Variants in FHIT observed in about 807,000 individuals in gnomAD.
FHIT encodes bis(5'-adenosyl)-triphosphatase.
A neutral mutation model predicts 17.9 loss-of-function variants in FHIT; 19 were observed. The observed-to-expected ratio is 1.06, with a 90% CI of 0.74 to 1.56. FHIT has a LOEUF of 1.56. Ranked by LOEUF, FHIT falls within the 40% of genes most tolerant of loss-of-function variation. The pLI is 0.00. For missense variants in FHIT, 248 were observed against 189.2 expected, an observed-to-expected ratio of 1.31 and a Z score of -1.82; for synonymous variants, 81 against 69.7, an observed-to-expected ratio of 1.16 and a Z score of -0.81.
chr3:60,229,008 C>G (rs1704355819), intron 5 of FHIT, among the ~76,000 whole-genome samples: 1 of 152,206 alleles, frequency 6.6e-6, no homozygotes, highest in East Asian at 1.9e-4. Context: ...GAACCTCACA[C>G]TCTTGAGTGA....
In FHIT at chr3:60,066,138, T is replaced by C. The variant is rs527451163; in HGVS notation, c.104-51986A>G. Among the ~76,000 whole-genome samples, 5 of 152,234 alleles carry C rather than the reference T, an allele frequency of 3.3e-5. No individual in the cohort carries two copies. The East Asian group carries it at 7.7e-4, about 24-fold the overall frequency. Reference sequence around the variant, plus strand: ...GACATTGACACAGTCTAGGATGGGATGGTGGGGATAGTACAGGGTACTCAC... The same window carrying C: ...GACATTGACACAGTCTAGGATGGGACGGTGGGGATAGTACAGGGTACTCAC... On this transcript the variant is annotated intron_variant, in intron 5 of 9. Transcript: ENST00000492590.
intron 4 of FHIT, among the ~76,000 whole-genome samples, chr3:60,820,451 T>C (rs1701886608): frequency 6.6e-6 from 1 of 152,256 alleles, no homozygotes; most frequent in Non-Finnish European, 1.5e-5. Flanking sequence ...CTTTAAACTT[T>C]GTTTTCCAGG....
At chr3:60,469,853 G>T (rs140899592) in intron 5 of FHIT, among the ~76,000 whole-genome samples, 1 of 152,096 alleles carries the variant, frequency 6.6e-6, no homozygotes, top group Non-Finnish European at 1.5e-5. Context: ...CACTTTACCC[G>T]TTTCTACTTT....
intron 1 of FHIT, among the ~76,000 whole-genome samples, chr3:61,207,265 T>C (rs2039273202): frequency 6.6e-6 from 1 of 152,170 alleles, no homozygotes; most frequent in Non-Finnish European, 1.5e-5. Flanking sequence ...ATCAGGGATA[T>C]TGATCTAAAA....
At chr3:60,941,904 C>T (rs1708423922) in intron 3 of FHIT, among the ~76,000 whole-genome samples, 1 of 152,218 alleles carries the variant, frequency 6.6e-6, no homozygotes, top group African/African-American at 2.4e-5. Flanking sequence ...TGTTGATCTG[C>T]CCTTTGCCCT....
chr3:59,786,519 T>C (rs980205876), intron 8 of FHIT, among the ~76,000 whole-genome samples: 2 of 152,226 alleles, frequency 1.3e-5, no homozygotes, highest in Non-Finnish European at 2.9e-5. Context: ...GTGTCAGACG[T>C]GCGATGCGTG....
chr3:59,980,560 G>T (rs1003288793), intron 7 of FHIT, among the ~76,000 whole-genome samples: 6 of 152,116 alleles, frequency 3.9e-5, no homozygotes, highest in African/African-American at 1.4e-4. Context: ...CAAACTAGTG[G>T]AGCTCCTGGA....
intron 8 of FHIT, among the ~76,000 whole-genome samples, chr3:59,857,709 T>TTTTTTTG (rs1553697979): frequency 2.0e-5 from 3 of 148,496 alleles, no homozygotes; most frequent in African/African-American, 7.5e-5. Flanking sequence ...TGCTGGGTTT[T>TTTTTTTG]TTTTTTTTTT....
At chr3:60,868,411 C>G (rs1426446654) in intron 3 of FHIT, among the ~76,000 whole-genome samples, 3 of 152,126 alleles carry the variant, frequency 2.0e-5, no homozygotes, top group Admixed American at 1.3e-4. Context: ...ATAGATTCCC[C>G]TCTCTTGCTG....
intron 5 of FHIT, among the ~76,000 whole-genome samples, chr3:60,021,385 GACA>G (rs1465487983): frequency 6.6e-6 from 1 of 152,184 alleles, no homozygotes; most frequent in African/African-American, 2.4e-5. Flanking sequence ...AAAGTAAATT[GACA>G]GGGGAGTCCG....
chr3:61,100,306 C>T (rs560592646), intron 2 of FHIT, among the ~76,000 whole-genome samples: 23 of 152,222 alleles, frequency 1.5e-4, no homozygotes, highest in African/African-American at 2.6e-4. Context: ...TGAGAACATG[C>T]GGTGTCCGGT....
At chr3:59,751,987 T>TG (rs1700933409) in intron 9 of FHIT, 1 of 430,682 alleles carries the variant, frequency 2.3e-6, no homozygotes. Context: ...GGTGGTGGGC[T>TG]GGGGGCACTG....
At chr3:60,501,335 A>G (rs958798757) in intron 5 of FHIT, among the ~76,000 whole-genome samples, 4 of 152,302 alleles carry the variant, frequency 2.6e-5, no homozygotes, top group Admixed American at 2.6e-4. Flanking sequence ...CAAAATTTAA[A>G]CAGTAATTTG....
intron 7 of FHIT, among the ~76,000 whole-genome samples, chr3:59,969,694 T>C (rs1445427677): frequency 6.6e-6 from 1 of 152,166 alleles, no homozygotes; most frequent in Non-Finnish European, 1.5e-5. Context: ...CTAAGGATAT[T>C]TCCCTCAATG....
intron 5 of FHIT, among the ~76,000 whole-genome samples, chr3:60,332,687 C>A (rs577989222): frequency 6.6e-6 from 1 of 152,240 alleles, no homozygotes; most frequent in African/African-American, 2.4e-5. Flanking sequence ...TGGGGAGAAT[C>A]GTTTTCAACA....
At chr3:60,009,206 T>C (rs1465331988) in intron 7 of FHIT, among the ~76,000 whole-genome samples, 15 of 145,774 alleles carry the variant, frequency 1.0e-4, no homozygotes, top group African/African-American at 4.1e-4. Context: ...TGTGTGTGTG[T>C]GTGTGTGTGT....
chr3:60,762,993 A>G (rs4974227), intron 4 of FHIT, among the ~76,000 whole-genome samples: 37,680 of 152,016 alleles, frequency 0.25, 4,900 homozygotes, highest in African/African-American at 0.32. Flanking sequence ...CTGCTACACC[A>G]TTACACCATT....
chr3:59,918,021 C>T (rs1467241725), intron 8 of FHIT, among the ~76,000 whole-genome samples: 2 of 152,194 alleles, frequency 1.3e-5, no homozygotes, highest in Non-Finnish European at 2.9e-5. Flanking sequence ...CTTCTGCACA[C>T]TGATTTCTGA....
intron 5 of FHIT, among the ~76,000 whole-genome samples, chr3:60,250,181 A>C (rs1705622896): frequency 6.6e-6 from 1 of 152,174 alleles, no homozygotes. Flanking sequence ...CCATACATGC[A>C]CTAGATAAAG....
Sources: gnomAD v4.1 joint callset for allele counts (sites outside exome capture counted in the v4.1 genomes callset) on GRCh38, gnomAD v4.1.1 for gene constraint, MANE v1.5 for transcripts, NCBI Gene and HGNC (gene_info 2026-07-23, HGNC 2026-07-21) for gene names.